Variants in MUC15 observed in about 807,000 individuals in gnomAD.
The protein encoded by MUC15 is mucin 15, cell surface associated, also known as mucin-15.
MUC15 carries 23 observed loss-of-function variants against 24.0 expected under a neutral mutation model. The observed-to-expected ratio is 0.96, with a 90% CI of 0.69 to 1.36. The LOEUF is 1.36. Ranked by LOEUF, MUC15 falls within the 40% of genes most tolerant of loss-of-function variation. The probability of loss-of-function intolerance (pLI) is 0.00; values close to 1 mark genes in which losing one functional copy is unlikely to be tolerated. For missense variants in MUC15, 442 were observed against 428.2 expected, an observed-to-expected ratio of 1.03 and a Z score of -0.29; for synonymous variants, 151 against 156.3, an observed-to-expected ratio of 0.97 and a Z score of 0.25.
intron 1 of MUC15, 62 bp downstream of exon 1, chr11:26,571,977 AAG>A (rs3830461): frequency 0.12 from 75,957 of 616,046 alleles, 5,561 homozygotes; most frequent in Admixed American, 0.22. Flanking sequence ...ATAATCAAGG[AAG>A]AGAGAGAGTA....
intron 1 of MUC15, among the ~76,000 whole-genome samples, chr11:26,569,628 A>G (rs1850740976): frequency 6.6e-6 from 1 of 152,114 alleles, no homozygotes; most frequent in South Asian, 2.1e-4. Context: ...TGCAAGTGAC[A>G]GAAGCCTAAT....
intron 1 of MUC15, among the ~76,000 whole-genome samples, chr11:26,569,577 T>C (rs11823109): frequency 0.11 from 17,001 of 152,000 alleles, 1,036 homozygotes; most frequent in African/African-American, 0.17. Context: ...TCCAGGAGAT[T>C]TGGCCGAAGT....
intron 1 of MUC15, among the ~76,000 whole-genome samples, chr11:26,568,419 A>G (rs1267089829): frequency 6.6e-6 from 1 of 151,772 alleles, no homozygotes; most frequent in African/African-American, 2.4e-5. Flanking sequence ...ATAAGTTGCA[A>G]AGGAATATAG....
chr11:26,567,036 C>A lies in MUC15; in HGVS notation c.43+16G>T. The stretch of plus-strand genomic sequence containing the variant: ...TTGGTTACAAAGTTTACAGTATCAT[C>A]TTATTTGATACTTACAACAATCCCT... On this transcript the variant is annotated intron_variant, in intron 2 of 4. Transcript: ENST00000529533. 2 of 1,480,370 alleles carry A rather than the reference C, an allele frequency of 1.4e-6. No homozygotes were observed. Among genetic ancestry groups the A allele is most frequent in the Non-Finnish European group, 1.8e-6 (2 of 1,108,782 alleles). The allele number at this position is 1,480,370 out of a possible 1,614,324, so 91.7% of individuals were successfully genotyped here. A position where few individuals can be genotyped will look rare whatever the true frequency, so the allele number is the denominator to read the frequency against.
At chr11:26,571,043 A>C (rs11826088) in intron 1 of MUC15, among the ~76,000 whole-genome samples, 19,140 of 152,098 alleles carry the variant, frequency 0.13, 1,300 homozygotes, top group East Asian at 0.27. Context: ...AAGTTTGAGA[A>C]CATTATTCTG....
rs147793863 is a variant in MUC15 at position 26,563,478 on chromosome 11, T to C, written c.776-213A>G. ...ATATATGGGCAAACGTATTTGTTGA[T>C]AAAACCACACTTCTAATTTTTAATT... On this transcript the variant is annotated intron_variant, in intron 3 of 4. Coordinates refer to ENST00000529533, the MANE Select transcript of MUC15 (RefSeq NM_001135091.2). Among the ~76,000 whole-genome samples, 79 of 151,516 alleles carry C rather than the reference T, an allele frequency of 5.2e-4. 2 individuals are homozygous for C. The East Asian group carries it at 0.015, about 28-fold the overall frequency.
intron 1 of MUC15, among the ~76,000 whole-genome samples, chr11:26,568,024 G>A (rs1167780559): frequency 6.6e-6 from 1 of 151,972 alleles, no homozygotes; most frequent in Non-Finnish European, 1.5e-5. Context: ...AGGAGGTTGT[G>A]TGCTGGTGAT....
rs199701796 is a variant in MUC15 at position 26,565,873 on chromosome 11, G to C, written c.67C>G (p.Pro23Ala). Residue 23 changes from proline (P) to alanine (A), a missense_variant, in exon 3 of 5, where the codon CCA (proline) becomes GCA (alanine). Transcript: ENST00000529533. ...DCYSFKKKPI[P>A]KKPTMLALAK... ...AAGGCCAACATTGTAGGCTTCTTTG[G>C]TATTGGTTTTTTTTTAAAGGAATCT... 1 of 1,579,150 alleles carries C rather than the reference G, an allele frequency of 6.3e-7. No homozygotes were observed. Among genetic ancestry groups the C allele is most frequent in the African/African-American group, 1.4e-5 (1 of 72,430 alleles).
chr11:26,568,200 G>T (rs1850671549), intron 1 of MUC15, among the ~76,000 whole-genome samples: 3 of 152,032 alleles, frequency 2.0e-5, no homozygotes, highest in South Asian at 2.1e-4. Flanking sequence ...TGATATATCA[G>T]CTGCTTTACA....
At position 26,559,727 on chromosome 11, in the gene MUC15, T is replaced by C. The variant is rs1198446422; in HGVS notation, c.*1338A>G. 1.2e-6 allele frequency: 2 copies of C among 1,611,544 alleles called. No individual in the cohort carries two copies. The highest frequency in any genetic ancestry group is 2.2e-5 in the South Asian group (2 of 91,028). Reference sequence around the variant, plus strand: ...GTTTGTTTTCTACTCAGGTGACATATTTGTTCGATAATGGAGGGACAGTCT... The same window carrying C: ...GTTTGTTTTCTACTCAGGTGACATACTTGTTCGATAATGGAGGGACAGTCT... On this transcript the variant is annotated 3_prime_UTR_variant, in exon 5 of 5. Coordinates refer to ENST00000529533, the MANE Select transcript of MUC15 (RefSeq NM_001135091.2).
At chr11:26,567,569 TGTTA>T (rs1410853971) in intron 1 of MUC15, among the ~76,000 whole-genome samples, 2 of 152,024 alleles carry the variant, frequency 1.3e-5, no homozygotes, top group South Asian at 2.1e-4. Context: ...CTATAATATA[TGTTA>T]GTTATCTTCA....
intron 1 of MUC15, among the ~76,000 whole-genome samples, chr11:26,570,473 T>C (rs1850779227): frequency 6.6e-6 from 1 of 152,146 alleles, no homozygotes; most frequent in Admixed American, 6.6e-5. Flanking sequence ...AATAAGGAGA[T>C]GTCCTGGTTT....
At chr11:26,564,756 TA>T (rs1850489146) in intron 3 of MUC15, among the ~76,000 whole-genome samples, 1 of 89,452 alleles carries the variant, frequency 1.1e-5, no homozygotes. Context: ...TATATATATA[TA>T]TATATATATA....
chr11:26,561,068 T>TG lies in MUC15; in HGVS notation c.1082_1083insC (p.Ter362IlefsTer9). ...TAACGCCTTTTTGCTGTTAGTTCTATACAGAAGTACGAAGTGGAGGTATGT... is the reference window on the plus strand; with the variant it reads ...TAACGCCTTTTTGCTGTTAGTTCTATGACAGAAGTACGAAGTGGAGGTATGT... On this transcript the variant is annotated frameshift_variant, in exon 5 of 5. Coordinates refer to ENST00000529533, the MANE Select transcript of MUC15 (RefSeq NM_001135091.2). LOFTEE classifies it high-confidence loss of function. 1 of 1,609,932 alleles carries TG rather than the reference T, an allele frequency of 6.2e-7. No homozygotes were observed. The highest frequency in any genetic ancestry group is 1.1e-5 in the South Asian group (1 of 90,538).
At chr11:26,567,547 A>G (rs1303685519) in intron 1 of MUC15, among the ~76,000 whole-genome samples, 1 of 151,968 alleles carries the variant, frequency 6.6e-6, no homozygotes, top group African/African-American at 2.4e-5. Flanking sequence ...ATGTGGTACA[A>G]CGTAAATATA....
chr11:26,562,827 C>T (rs1250532280), intron 4 of MUC15, among the ~76,000 whole-genome samples: 1 of 151,840 alleles, frequency 6.6e-6, no homozygotes, highest in Admixed American at 6.6e-5. Context: ...AATGTCCTAC[C>T]ATTCATTATC....
rs772621784 is a variant in MUC15, at chr11:26,562,938, G to A, written c.925+178C>T. On this transcript the variant is annotated intron_variant, in intron 4 of 4. Coordinates refer to ENST00000529533, the MANE Select transcript of MUC15 (RefSeq NM_001135091.2). ...AATGTTTTTTAAATTTCAGTCACAGGTCTATAATTATTTTGGTTTTGTTCT... is the reference window on the plus strand; with the variant it reads ...AATGTTTTTTAAATTTCAGTCACAGATCTATAATTATTTTGGTTTTGTTCT... 3.2e-5 allele frequency: 27 copies of A among 831,680 alleles called. No individual in the cohort carries two copies. In the African/African-American group the frequency reaches 3.4e-4, roughly 10 times the overall value. 51.5% of individuals were successfully genotyped at this position (831,680 alleles called of 1,614,324 possible). A position where few individuals can be genotyped will look rare whatever the true frequency, so the allele number is the denominator to read the frequency against.
Position 26,565,438 on chromosome 11 carries a change from T to C in MUC15, c.502A>G (p.Thr168Ala). 1 of 1,613,428 alleles carries C rather than the reference T, an allele frequency of 6.2e-7. No homozygotes were observed. Among genetic ancestry groups the C allele is most frequent in the Non-Finnish European group, 8.5e-7 (1 of 1,179,566 alleles). The change falls in exon 3 of 5, where the codon ACA becomes GCA. Residue 168 changes from threonine (T) to alanine (A), a missense_variant. By Grantham distance (58) the Thr-to-Ala change is moderately conservative. Coordinates refer to ENST00000529533, the MANE Select transcript of MUC15 (RefSeq NM_001135091.2). Reference sequence around the variant, plus strand: ...AAGTTTTCTGAAGACAGAGCAGGTGTAGCATTGGGATGTGCTGAGATGGGC... The same window carrying C: ...AAGTTTTCTGAAGACAGAGCAGGTGCAGCATTGGGATGTGCTGAGATGGGC... ...LLPISAHPNA[T>A]PALSSENFTW... is the part of the protein sequence containing the mutation.
In MUC15 at chr11:26,569,344, T is replaced by C. The variant is rs111536944; in HGVS notation, c.-45-2205A>G. On this transcript the variant is annotated intron_variant, in intron 1 of 4. Coordinates refer to ENST00000529533, the MANE Select transcript of MUC15 (RefSeq NM_001135091.2). The stretch of plus-strand genomic sequence containing the variant: ...AGTATGTTGTGAATACTATTAAATA[T>C]TTATGGTTTATTCAGAAATTTATAC... Among the ~76,000 whole-genome samples the C allele has an allele frequency of 9.2e-4, 140 of 152,216 alleles. 1 individual carries two copies. The highest frequency in any genetic ancestry group is 3.3e-3 in the African/African-American group (137 of 41,550).
Sources: allele counts gnomAD v4.1 joint callset (sites outside exome capture counted in the v4.1 genomes callset), GRCh38; gene constraint gnomAD v4.1.1; transcripts MANE v1.5; gene names NCBI Gene and HGNC (gene_info 2026-07-23, HGNC 2026-07-21).